Variants in DHX37 observed in about 807,000 individuals in gnomAD.
The protein encoded by DHX37 is probable ATP-dependent RNA helicase DHX37.
A neutral mutation model predicts 134.3 loss-of-function variants in DHX37; 52 were observed. The observed-to-expected ratio is 0.39, with a 90% CI of 0.31 to 0.49. The LOEUF (loss-of-function observed/expected upper bound fraction) is 0.49, where lower values mean the gene tolerates loss of function less well. Among genes scored for constraint, DHX37 ranks in the 20% least tolerant of loss-of-function variants. DHX37 has a pLI of 0.93. For missense variants in DHX37, 1,344 were observed against 1,580.8 expected (o/e 0.85, Z 2.54); for synonymous variants, 634 against 670.7 (o/e 0.95, Z 0.85).
rs1233361538 is a variant in DHX37 at position 124,950,691 on chromosome 12, T to C, written c.2982A>G (p.Lys994=). ...GGGGCTGTCCGCAGGCCTCGGCACC[T>C]TTCATGTACATCTTAGTGGTCTCCA... ...EIVETTKMYM[K]GVSSVEVQWI... Residue 994 remains lysine (K), a splice_region_variant and synonymous_variant, in exon 22 of 27, where the codon AAA becomes AAG. Coordinates refer to ENST00000308736, the MANE Select transcript of DHX37 (RefSeq NM_032656.4). The C allele has an allele frequency of 2.5e-6, 4 of 1,612,214 alleles. No homozygotes were observed. Among genetic ancestry groups the C allele is most frequent in the Non-Finnish European group, 3.4e-6 (4 of 1,179,410 alleles).
intron 7 of DHX37, 99 bp from the exon 8 acceptor site, chr12:124,971,514 A>G (rs1386148637): frequency 5.3e-6 from 8 of 1,518,704 alleles, no homozygotes; most frequent in Non-Finnish European, 7.1e-6. Context: ...TGTTAGAGGA[A>G]GGGCAGCTGC....
At chr12:124,959,160 G>A (rs1471480845) in intron 16 of DHX37, among the ~76,000 whole-genome samples, 9 of 144,388 alleles carry the variant, frequency 6.2e-5, no homozygotes, top group East Asian at 2.2e-4. Context: ...TGCAACCTCC[G>A]CCTCCCGGGT....
intron 10 of DHX37, 88 bp downstream of exon 10, chr12:124,968,446 C>G (rs977698228): frequency 6.5e-5 from 102 of 1,565,152 alleles, no homozygotes; most frequent in Non-Finnish European, 8.5e-5. Context: ...TTTTCTGAGC[C>G]ACTCGGAGAT....
intron 25 of DHX37, chr12:124,948,544 C>T (rs367924077): frequency 1.7e-5 from 5 of 287,308 alleles, no homozygotes; most frequent in Middle Eastern, 1.2e-3. Context: ...GCCAGGAGTT[C>T]GAGACCAGCC....
At chr12:124,969,698 G>A (rs554095352) in intron 8 of DHX37, among the ~76,000 whole-genome samples, 1 of 152,230 alleles carries the variant, frequency 6.6e-6, no homozygotes, top group African/African-American at 2.4e-5. Context: ...CTGGCAGGAT[G>A]TGGAGAAACT....
rs190154907 is a variant in DHX37 at position 124,983,102 on chromosome 12, T to C, written c.277-479A>G. Among the ~76,000 whole-genome samples the C allele has an allele frequency of 5.2e-3, 794 of 152,178 alleles. 5 individuals carry two copies. Among genetic ancestry groups the C allele is most frequent in the Non-Finnish European group, 8.1e-3 (554 of 67,998 alleles). On this transcript the variant is annotated intron_variant, in intron 2 of 26. Coordinates refer to ENST00000308736, the MANE Select transcript of DHX37 (RefSeq NM_032656.4). ...ACTTTATTGTTCTTGTAACTGTACA[T>C]ATAGGTTTTATACACACTTCTTTTG...
At position 124,961,280 on chromosome 12, in the gene DHX37, ACACACAC is replaced by A. The variant is rs1566332674; in HGVS notation, c.2046-864_2046-858del. On this transcript the variant is annotated intron_variant, in intron 15 of 26. Coordinates refer to ENST00000308736, the MANE Select transcript of DHX37 (RefSeq NM_032656.4). ...CGCACACACATACACGCGTGCACGC[ACACACAC>A]TTACACGCGTGCACGCACGCACACA... 9.0e-3 allele frequency among the ~76,000 whole-genome samples: 1,031 copies of A among 115,112 alleles called. 20 individuals carry two copies. Among genetic ancestry groups the A allele is most frequent in the African/African-American group, 0.035 (965 of 27,378 alleles). 75.5% of individuals were successfully genotyped at this position (115,112 alleles called of 152,430 possible).
intron 8 of DHX37, among the ~76,000 whole-genome samples, chr12:124,969,229 C>T (rs919235366): frequency 7.2e-5 from 11 of 152,234 alleles, no homozygotes; most frequent in Admixed American, 7.2e-4. Context: ...GACTGGGGCC[C>T]ACCCAACCCA....
Position 124,946,912 on chromosome 12 carries a change from G to A in DHX37, c.*890C>T, listed in dbSNP as rs1198156902. ...GAGCAGAATCCATTCTGCCAGCGCTGGGCTCTGGGGAGACATCTGTGCCCT... is the reference window on the plus strand; with the variant it reads ...GAGCAGAATCCATTCTGCCAGCGCTAGGCTCTGGGGAGACATCTGTGCCCT... On this transcript the variant is annotated 3_prime_UTR_variant, in exon 27 of 27. Coordinates refer to ENST00000308736, the MANE Select transcript of DHX37 (RefSeq NM_032656.4). 6.6e-6 allele frequency: 1 copy of A among 152,242 alleles called. No individual in the cohort carries two copies. Among genetic ancestry groups the A allele is most frequent in the African/African-American group, 2.4e-5 (1 of 41,452 alleles). The allele number at this position is 152,242 out of a possible 1,614,324, so 9.4% of individuals were successfully genotyped here.
At position 124,965,795 on chromosome 12, in the gene DHX37, G is replaced by C; in HGVS notation, c.1608C>G (p.Asn536Lys). Residue 536 changes from asparagine to lysine, a missense_variant, in exon 13 of 27, where the codon AAC (asparagine) becomes AAG (lysine). Asn to Lys is a moderately conservative substitution (Grantham distance 94). Coordinates refer to ENST00000308736, the MANE Select transcript of DHX37 (RefSeq NM_032656.4). ...KARAEVLPQINLDHYSVLPAG... is the reference protein window; with the variant it reads ...KARAEVLPQIKLDHYSVLPAG... Reference sequence around the variant, plus strand: ...CCGGTAACACCGAGTAATGATCCAAGTTGATCTGGGGCAGCACCTACGGCG... The same window carrying C: ...CCGGTAACACCGAGTAATGATCCAACTTGATCTGGGGCAGCACCTACGGCG... The C allele has an allele frequency of 6.2e-7, 1 of 1,613,828 alleles. No individual in the cohort carries two copies. Among genetic ancestry groups the C allele is most frequent in the South Asian group, 1.1e-5 (1 of 90,984 alleles).
In DHX37 at chr12:124,953,858, GCGTGCCGGCACGGGGC is replaced by G. The variant is rs1449920643; in HGVS notation, c.2695+6_2695+21del. ...GTCAGGTTGCCCGCCGGGTGCAGCG[GCGTGCCGGCACGGGGC>G]CGTACCTGCGGTGGTCAGCTGGCCC... On this transcript the variant is annotated splice_donor_region_variant and intron_variant, in intron 20 of 26. Transcript: ENST00000308736. 3.1e-6 allele frequency: 5 copies of G among 1,606,104 alleles called. No individual in the cohort carries two copies. Among genetic ancestry groups the G allele is most frequent in the Non-Finnish European group, 4.3e-6 (5 of 1,176,272 alleles).
At chr12:124,986,028 G>GGA in intron 2 of DHX37, 68 bp downstream of exon 2, 1 of 1,566,356 alleles carries the variant, frequency 6.4e-7, no homozygotes, top group South Asian at 1.1e-5. Context: ...ACCCTCAGGA[G>GGA]GAGAGAGACC....
rs1953901981 is a variant in DHX37, at chr12:124,947,737, G to C, written c.*65C>G. On this transcript the variant is annotated 3_prime_UTR_variant, in exon 27 of 27. Coordinates refer to ENST00000308736, the MANE Select transcript of DHX37 (RefSeq NM_032656.4). ...CATGCCAGGTGGTCACGGTCGCACG[G>C]TGACAGGCTGCTGCCAGCCCTCCAG... 2 of 1,500,008 alleles carry C rather than the reference G, an allele frequency of 1.3e-6. No individual in the cohort carries two copies. The highest frequency in any genetic ancestry group is 2.8e-5 in the African/African-American group (2 of 71,688). 92.9% of individuals were successfully genotyped at this position (1,500,008 alleles called of 1,614,324 possible).
Position 124,964,601 on chromosome 12 carries a change from G to A in DHX37, c.1838C>T (p.Thr613Ile). The change falls in exon 15 of 27, where the codon ACT becomes ATT. Residue 613 changes from threonine (T) to isoleucine (I), a missense_variant. Thr to Ile is a moderately conservative substitution (Grantham distance 89, BLOSUM62 -1). Transcript: ENST00000308736. ...ATTGGTGGCCACAACACACAACCGA[G>A]TCCCCTCCGGTGGAGGCTTAAAGAC... ...AQVFKPPPEGTRLCVVATNVA... is the reference protein window; with the variant it reads ...AQVFKPPPEGIRLCVVATNVA... 6.2e-7 allele frequency: 1 copy of A among 1,612,388 alleles called. No individual in the cohort carries two copies.
intron 18 of DHX37, among the ~76,000 whole-genome samples, chr12:124,955,939 G>A (rs1213791804): frequency 6.6e-6 from 1 of 152,168 alleles, no homozygotes; most frequent in East Asian, 1.9e-4. Context: ...GGGAGGGGAG[G>A]TGGTGGAGGA....
chr12:124,958,745 C>T (rs11057935), intron 16 of DHX37, among the ~76,000 whole-genome samples: 32,957 of 151,446 alleles, frequency 0.22, 4,341 homozygotes, highest in East Asian at 0.57. Flanking sequence ...CCTGCCTCAG[C>T]CTCCCGAGTA....
chr12:124,988,804 T>G, intron 1 of DHX37, 113 bp downstream of exon 1: 3 of 526,462 alleles, frequency 5.7e-6, no homozygotes, highest in Non-Finnish European at 9.2e-6. Flanking sequence ...CATTCCCCCA[T>G]TCCAGATGAT....
intron 21 of DHX37, 37 bp from the exon 22 acceptor site, chr12:124,950,841 C>T (rs1326545766): frequency 1.3e-6 from 2 of 1,555,534 alleles, no homozygotes; most frequent in African/African-American, 1.4e-5. Context: ...CAGGGAAGAA[C>T]CCATGCCCAG....
At chr12:124,959,754 C>T (rs535137218) in intron 16 of DHX37, among the ~76,000 whole-genome samples, 2 of 152,212 alleles carry the variant, frequency 1.3e-5, no homozygotes, top group Admixed American at 1.3e-4. Flanking sequence ...CCAGAAAAAT[C>T]AGTGAGCACA....
Sources: allele counts gnomAD v4.1 joint callset (sites outside exome capture counted in the v4.1 genomes callset), GRCh38; gene constraint gnomAD v4.1.1; transcripts MANE v1.5; gene names NCBI Gene and HGNC (gene_info 2026-07-23, HGNC 2026-07-21).